Variants in SNTG1 observed in about 807,000 individuals in gnomAD.
SNTG1 encodes gamma-1-syntrophin.
In SNTG1, 39 loss-of-function variants were observed where a neutral mutation model predicts 74.7. The ratio of observed to expected loss-of-function variants is 0.52; its 90% CI spans 0.40 to 0.68. The LOEUF (loss-of-function observed/expected upper bound fraction) is 0.68. SNTG1 is among the 30% of genes least tolerant of loss of function. The probability of loss-of-function intolerance (pLI) is 0.00; values close to 1 mark genes in which losing one functional copy is unlikely to be tolerated. For missense variants in SNTG1, 685 were observed against 609.5 expected (o/e 1.12, Z -1.30); for synonymous variants, 254 against 217.1 (o/e 1.17, Z -1.49).
At chr8:50,339,919 T>G (rs1374869300) in intron 2 of SNTG1, among the ~76,000 whole-genome samples, 1 of 151,860 alleles carries the variant, frequency 6.6e-6, no homozygotes, top group African/African-American at 2.4e-5. Context: ...CTATGTATTG[T>G]GTACAAGAAA....
intron 1 of SNTG1, among the ~76,000 whole-genome samples, chr8:50,100,330 TAGAA>T (rs941399567): frequency 1.3e-5 from 2 of 152,104 alleles, no homozygotes; most frequent in South Asian, 2.1e-4. Context: ...TACAACTAAA[TAGAA>T]AGAACAAGTT....
chr8:50,501,692 A>G (rs750256396), intron 8 of SNTG1, among the ~76,000 whole-genome samples: 2 of 151,166 alleles, frequency 1.3e-5, no homozygotes, highest in Non-Finnish European at 2.9e-5. Context: ...TCCAGACCTC[A>G]GATGATCCAC....
At position 50,552,397 on chromosome 8, in the gene SNTG1, A is replaced by C. The variant is rs182556514; in HGVS notation, c.681-653A>C. Among the ~76,000 whole-genome samples the C allele has an allele frequency of 4.2e-3, 645 of 152,344 alleles. 9 individuals carry two copies. Among genetic ancestry groups the C allele is most frequent in the African/African-American group, 0.014 (584 of 41,574 alleles). On this transcript the variant is annotated intron_variant, in intron 11 of 18. Transcript: ENST00000642720. ...CAAAAGTCAATAAAATACTGTCAGAATGCTTAGACTGATCATAGCATTTTA... is the reference window on the plus strand; with the variant it reads ...CAAAAGTCAATAAAATACTGTCAGACTGCTTAGACTGATCATAGCATTTTA...
intron 2 of SNTG1, among the ~76,000 whole-genome samples, chr8:50,306,747 T>C (rs1205725999): frequency 6.6e-6 from 1 of 152,008 alleles, no homozygotes; most frequent in Non-Finnish European, 1.5e-5. Context: ...GATTTTTTTT[T>C]CTGATTTCTT....
intron 1 of SNTG1, among the ~76,000 whole-genome samples, chr8:49,918,818 T>G (rs1055485276): frequency 6.6e-6 from 1 of 152,154 alleles, no homozygotes; most frequent in Non-Finnish European, 1.5e-5. Flanking sequence ...TTTTGCCTAA[T>G]TGGTATTTGT....
rs1276512551 is a variant in SNTG1 at position 50,669,587 on chromosome 8, C to T, written c.1038+10924C>T. ...GAAAAAGAGTCCAGGACCAGATGGACTCACAGCCGAATTCTACCAGAGATA... is the reference window on the plus strand; with the variant it reads ...GAAAAAGAGTCCAGGACCAGATGGATTCACAGCCGAATTCTACCAGAGATA... On this transcript the variant is annotated intron_variant, in intron 15 of 18. Coordinates refer to ENST00000642720, the MANE Select transcript of SNTG1 (RefSeq NM_018967.5). 3.9e-5 allele frequency among the ~76,000 whole-genome samples: 6 copies of T among 152,088 alleles called. No individual in the cohort carries two copies. In the South Asian group the frequency reaches 6.2e-4, roughly 16 times the overall value.
intron 12 of SNTG1, among the ~76,000 whole-genome samples, chr8:50,576,417 T>A (rs2094577246): frequency 6.6e-6 from 1 of 152,160 alleles, no homozygotes; most frequent in Non-Finnish European, 1.5e-5. Flanking sequence ...CTGGTATTGT[T>A]CTTTGTTAAG....
At chr8:50,307,921 A>T (rs1488528204) in intron 2 of SNTG1, among the ~76,000 whole-genome samples, 2 of 152,100 alleles carry the variant, frequency 1.3e-5, no homozygotes, top group Admixed American at 1.3e-4. Context: ...ACTGTCCCAC[A>T]TTCTGAGATG....
At chr8:50,557,717 G>A (rs2094464778) in intron 12 of SNTG1, among the ~76,000 whole-genome samples, 1 of 152,208 alleles carries the variant, frequency 6.6e-6, no homozygotes, top group East Asian at 1.9e-4. Context: ...AGATCTGCAA[G>A]GACCCTTTAT....
chr8:50,634,583 A>G (rs2095026607), intron 13 of SNTG1, among the ~76,000 whole-genome samples: 1 of 152,202 alleles, frequency 6.6e-6, no homozygotes. Context: ...CAGTGGCATC[A>G]TTTTTCAAAA....
chr8:50,253,249 C>G (rs544037496), intron 2 of SNTG1, among the ~76,000 whole-genome samples: 1 of 151,966 alleles, frequency 6.6e-6, no homozygotes, highest in Admixed American at 6.6e-5. Context: ...CATGGAGAAA[C>G]CCTGTGTCTA....
chr8:50,710,365 T>G (rs2095458181), intron 17 of SNTG1, among the ~76,000 whole-genome samples: 1 of 152,092 alleles, frequency 6.6e-6, no homozygotes, highest in Non-Finnish European at 1.5e-5. Flanking sequence ...CAAATCAAGA[T>G]AGGCTCCTGA....
In SNTG1 at chr8:50,709,165, A is replaced by G. The variant is rs969166512; in HGVS notation, c.1284+187A>G. ...AAAGTTTGAATTTTTAATAAAACATATGTAGTACCACAAAACTATAACTAT... is the reference window on the plus strand; with the variant it reads ...AAAGTTTGAATTTTTAATAAAACATGTGTAGTACCACAAAACTATAACTAT... On this transcript the variant is annotated intron_variant, in intron 17 of 18. Coordinates refer to ENST00000642720, the MANE Select transcript of SNTG1 (RefSeq NM_018967.5). 8.8e-6 allele frequency: 5 copies of G among 569,292 alleles called. No homozygotes were observed. In the African/African-American group the frequency reaches 9.3e-5, roughly 11 times the overall value. The allele number at this position is 569,292 out of a possible 1,614,324, so 35.3% of individuals were successfully genotyped here.
intron 1 of SNTG1, among the ~76,000 whole-genome samples, chr8:49,913,132 A>G (rs1268672874): frequency 1.3e-5 from 2 of 152,172 alleles, no homozygotes; most frequent in African/African-American, 4.8e-5. Flanking sequence ...AGTTACACAA[A>G]TTTGTAACCC....
At chr8:50,404,643 T>C (rs1024397666) in intron 4 of SNTG1, among the ~76,000 whole-genome samples, 4 of 152,036 alleles carry the variant, frequency 2.6e-5, no homozygotes, top group African/African-American at 9.7e-5. Flanking sequence ...TTTTTAACTG[T>C]GGTAAAATAT....
intron 1 of SNTG1, among the ~76,000 whole-genome samples, chr8:50,068,237 T>G (rs893238861): frequency 2.0e-5 from 3 of 152,148 alleles, no homozygotes; most frequent in Non-Finnish European, 2.9e-5. Context: ...CGGGCCGGAC[T>G]GAGAGAGGCT....
intron 12 of SNTG1, among the ~76,000 whole-genome samples, chr8:50,555,881 C>T (rs1441160112): frequency 6.6e-6 from 1 of 151,992 alleles, no homozygotes; most frequent in Non-Finnish European, 1.5e-5. Context: ...AGTTGGAGAA[C>T]AGACAGGGGA....
chr8:50,088,744 G>T (rs1330145544), intron 1 of SNTG1, among the ~76,000 whole-genome samples: 2 of 146,954 alleles, frequency 1.4e-5, no homozygotes, highest in African/African-American at 4.9e-5. Context: ...CACTGCTCAA[G>T]GAAATAACAG....
intron 2 of SNTG1, among the ~76,000 whole-genome samples, chr8:50,299,158 G>T (rs1406375901): frequency 2.0e-5 from 3 of 152,110 alleles, no homozygotes; most frequent in Admixed American, 6.6e-5. Context: ...AGCATGGCAG[G>T]TGTAGATTTA....
Sources: allele counts gnomAD v4.1 joint callset (sites outside exome capture counted in the v4.1 genomes callset), GRCh38; gene constraint gnomAD v4.1.1; transcripts MANE v1.5; gene names NCBI Gene and HGNC (gene_info 2026-07-23, HGNC 2026-07-21).